OLFM2: variants seen among roughly 807,000 people sequenced by gnomAD.
The protein encoded by OLFM2 is olfactomedin 2.
Under a neutral mutation model 43.9 loss-of-function variants are expected in OLFM2, and 20 were observed. That is an observed-to-expected ratio of 0.46 (90% CI 0.32 to 0.66). OLFM2 has a LOEUF of 0.66. Among genes scored for constraint, OLFM2 ranks in the 30% least tolerant of loss-of-function variants. The pLI is 0.04. For missense variants in OLFM2, 416 were observed against 643.6 expected (o/e 0.65, Z 3.83); for synonymous variants, 268 against 278.6 (o/e 0.96, Z 0.38).
intron 1 of OLFM2, among the ~76,000 whole-genome samples, chr19:9,889,597 G>A (rs973162063): frequency 3.3e-5 from 5 of 152,186 alleles, no homozygotes; most frequent in Non-Finnish European, 4.4e-5. Context: ...GCATCAGCCC[G>A]AATGTGGACA....
chr19:9,901,144 G>A (rs2046734860), intron 1 of OLFM2, among the ~76,000 whole-genome samples: 1 of 142,354 alleles, frequency 7.0e-6, no homozygotes, highest in Non-Finnish European at 1.5e-5. Context: ...AGGAAAGAAA[G>A]AAGGAAAGAA....
intron 1 of OLFM2, among the ~76,000 whole-genome samples, chr19:9,919,176 C>CTTTCTTTTTTTT (rs1555728852): frequency 2.2e-4 from 33 of 149,176 alleles, no homozygotes; most frequent in Non-Finnish European, 3.6e-4. Context: ...ATTTCTCTCT[C>CTTTCTTTTTTTT]TTTTTTTTGA....
intron 1 of OLFM2, among the ~76,000 whole-genome samples, chr19:9,873,621 C>A (rs2046461199): frequency 6.6e-6 from 1 of 151,752 alleles, no homozygotes; most frequent in African/African-American, 2.4e-5. Flanking sequence ...CACCCTGATA[C>A]TTTTTTTATT....
chr19:9,928,646 A>T (rs993086993), intron 1 of OLFM2, among the ~76,000 whole-genome samples: 1 of 152,086 alleles, frequency 6.6e-6, no homozygotes, highest in Non-Finnish European at 1.5e-5. Flanking sequence ...CTCTATTAAA[A>T]ATACAAAAAC....
intron 1 of OLFM2, among the ~76,000 whole-genome samples, chr19:9,895,277 T>C (rs1339580553): frequency 6.6e-6 from 1 of 151,960 alleles, no homozygotes; most frequent in Non-Finnish European, 1.5e-5. Flanking sequence ...TGCTTGATCC[T>C]AGGAGTTTGA....
chr19:9,869,643 G>A (rs1482864641), intron 1 of OLFM2, among the ~76,000 whole-genome samples: 1 of 152,122 alleles, frequency 6.6e-6, no homozygotes, highest in Admixed American at 6.6e-5. Flanking sequence ...AAGAGACAGG[G>A]TGTCACTCTA....
At chr19:9,923,513 C>T (rs976455050) in intron 1 of OLFM2, among the ~76,000 whole-genome samples, 65 of 143,996 alleles carry the variant, frequency 4.5e-4, no homozygotes, top group African/African-American at 1.5e-3. Flanking sequence ...ACAAGATCAT[C>T]GCCACTGCAC....
chr19:9,929,595 CAAAATAAAATAAAAT>C (rs71188856), intron 1 of OLFM2, among the ~76,000 whole-genome samples: 2 of 148,190 alleles, frequency 1.3e-5, no homozygotes, highest in South Asian at 2.2e-4. Context: ...GACCCCGTCT[CAAAATAAAATAAAAT>C]AAAATAAAAT....
At chr19:9,908,558 G>A (rs1017351687) in intron 1 of OLFM2, among the ~76,000 whole-genome samples, 30 of 139,296 alleles carry the variant, frequency 2.2e-4, no homozygotes, top group African/African-American at 7.3e-4. Flanking sequence ...GGCTCACTGC[G>A]AGCTCCACCT....
At chr19:9,924,001 G>A (rs1410398413) in intron 1 of OLFM2, among the ~76,000 whole-genome samples, 4 of 150,544 alleles carry the variant, frequency 2.7e-5, no homozygotes, top group Admixed American at 6.7e-5. Context: ...TCGGGAGGCT[G>A]AGGCTCAAGA....
chr19:9,880,523 G>C (rs1457078092), intron 1 of OLFM2, among the ~76,000 whole-genome samples: 1 of 152,096 alleles, frequency 6.6e-6, no homozygotes. Context: ...CTTGTGACCA[G>C]GTGTTTGAGG....
chr19:9,908,047 G>A (rs2046798415), intron 1 of OLFM2, among the ~76,000 whole-genome samples: 1 of 151,784 alleles, frequency 6.6e-6, no homozygotes, highest in Admixed American at 6.6e-5. Flanking sequence ...AAAATCTAAA[G>A]TCCCTGAAAG....
chr19:9,914,704 G>A (rs2046861106), intron 1 of OLFM2, among the ~76,000 whole-genome samples: 2 of 152,056 alleles, frequency 1.3e-5, no homozygotes, highest in African/African-American at 2.4e-5. Context: ...AGCGGGAAGC[G>A]CAGTGCCCTC....
At chr19:9,882,700 A>T (rs945982052) in intron 1 of OLFM2, among the ~76,000 whole-genome samples, 1 of 151,804 alleles carries the variant, frequency 6.6e-6, no homozygotes, top group Non-Finnish European at 1.5e-5. Flanking sequence ...ACTTGGCCTC[A>T]GGAGTTTGAG....
intron 1 of OLFM2, among the ~76,000 whole-genome samples, chr19:9,878,345 C>A (rs1218086535): frequency 6.8e-6 from 1 of 147,378 alleles, no homozygotes; most frequent in Non-Finnish European, 1.5e-5. Context: ...TTACCCTGGA[C>A]AAGTGACTCT....
intron 1 of OLFM2, among the ~76,000 whole-genome samples, chr19:9,888,353 G>A (rs1030344793): frequency 7.3e-5 from 11 of 151,462 alleles, no homozygotes; most frequent in African/African-American, 2.2e-4. Context: ...TGAAACCCCC[G>A]TCTCTACTAA....
chr19:9,916,746 C>T (rs570251845), intron 1 of OLFM2, among the ~76,000 whole-genome samples: 9 of 152,256 alleles, frequency 5.9e-5, no homozygotes, highest in Admixed American at 2.6e-4. Context: ...TTTGCACTTG[C>T]TTGCATTTAA....
At chr19:9,886,412 G>A (rs1456391357) in intron 1 of OLFM2, among the ~76,000 whole-genome samples, 3 of 151,816 alleles carry the variant, frequency 2.0e-5, no homozygotes, top group Non-Finnish European at 4.4e-5. Context: ...TCACCATGTT[G>A]GCCAGGCTGG....
chr19:9,909,652 A>G (rs947682000), intron 1 of OLFM2, among the ~76,000 whole-genome samples: 12 of 152,204 alleles, frequency 7.9e-5, no homozygotes, highest in African/African-American at 2.9e-4. Flanking sequence ...TTGGGAATCC[A>G]TACTGCTTTG....
Sources: allele counts gnomAD v4.1 joint callset (sites outside exome capture counted in the v4.1 genomes callset), GRCh38; gene constraint gnomAD v4.1.1; transcripts MANE v1.5; gene names NCBI Gene and HGNC (gene_info 2026-07-23, HGNC 2026-07-21).